CDH4: variants seen among roughly 807,000 people sequenced by gnomAD.
CDH4 encodes cadherin-4.
Under a neutral mutation model 86.0 loss-of-function variants are expected in CDH4, and 33 were observed. That is an observed-to-expected ratio of 0.38 (90% CI 0.29 to 0.51). The LOEUF (loss-of-function observed/expected upper bound fraction) is 0.51. Ranked by LOEUF, CDH4 falls within the 20% of genes least tolerant of loss-of-function variation. The pLI, the probability that CDH4 is intolerant of heterozygous loss-of-function variation, is 0.86. For missense variants in CDH4, 1,114 were observed against 1,307.4 expected, an observed-to-expected ratio of 0.85 and a Z score of 2.28; for synonymous variants, 555 against 549.4, an observed-to-expected ratio of 1.01 and a Z score of -0.14.
intron 2 of CDH4, among the ~76,000 whole-genome samples, chr20:61,434,466 G>T (rs530474869): frequency 1.3e-5 from 2 of 152,094 alleles, no homozygotes; most frequent in Non-Finnish European, 2.9e-5. Flanking sequence ...CGTTCACCGC[G>T]GCGCTCAAAG....
rs546589790 is a variant in CDH4 at position 61,287,381 on chromosome 20, G to A, written c.169+32444G>A. ...TCCCAGCTTCTCAGGAGGCTGAGGT[G>A]GCAGGATCACTTCAGCCCAGGAGGT... On this transcript the variant is annotated intron_variant, in intron 2 of 15. Transcript: ENST00000614565. 5.3e-5 allele frequency among the ~76,000 whole-genome samples: 8 copies of A among 152,212 alleles called. No individual in the cohort carries two copies. In the South Asian group the frequency reaches 1.7e-3, roughly 32 times the overall value.
intron 2 of CDH4, among the ~76,000 whole-genome samples, chr20:61,578,609 G>A (rs751557468): frequency 2.0e-5 from 3 of 152,274 alleles, no homozygotes; most frequent in Non-Finnish European, 2.9e-5. Context: ...TCACAGAGCC[G>A]ACTCAAGGGG....
At chr20:61,291,593 G>A (rs6124080) in intron 2 of CDH4, among the ~76,000 whole-genome samples, 82,786 of 152,092 alleles carry the variant, frequency 0.54, 24,151 homozygotes, top group Admixed American at 0.64. Flanking sequence ...GTCGGCAGGA[G>A]CTCCCTGAGA....
At chr20:61,636,237 C>A (rs1182032379) in intron 2 of CDH4, among the ~76,000 whole-genome samples, 2 of 152,172 alleles carry the variant, frequency 1.3e-5, no homozygotes, top group Non-Finnish European at 2.9e-5. Context: ...AAACTTCAGA[C>A]CATGAATCGC....
intron 8 of CDH4, among the ~76,000 whole-genome samples, chr20:61,903,540 T>A (rs374190942): frequency 2.1e-3 from 187 of 90,870 alleles, no homozygotes; most frequent in Non-Finnish European, 2.6e-3. Flanking sequence ...AGAGACTCCA[T>A]AAAAAAAAAA....
intron 2 of CDH4, among the ~76,000 whole-genome samples, chr20:61,524,958 TA>T (rs1243878913): frequency 6.6e-6 from 1 of 152,146 alleles, no homozygotes; most frequent in African/African-American, 2.4e-5. Context: ...ATCTTTCATT[TA>T]AAAAAACCTT....
intron 2 of CDH4, among the ~76,000 whole-genome samples, chr20:61,638,380 C>G (rs1034724426): frequency 6.6e-5 from 10 of 152,272 alleles, no homozygotes; most frequent in Middle Eastern, 6.8e-3. Flanking sequence ...ACGGGAACCC[C>G]TTGTGTTCTG....
At chr20:61,390,802 G>A (rs1322801554) in intron 2 of CDH4, among the ~76,000 whole-genome samples, 2 of 151,368 alleles carry the variant, frequency 1.3e-5, no homozygotes, top group African/African-American at 4.9e-5. Context: ...GTCATAGGGT[G>A]CCCATAGTGC....
At position 61,852,907 on chromosome 20, in the gene CDH4, T is replaced by C; in HGVS notation, c.877+9T>C. 1 of 1,613,338 alleles carries C rather than the reference T, an allele frequency of 6.2e-7. No individual in the cohort carries two copies. The highest frequency in any genetic ancestry group is 1.3e-5 in the African/African-American group (1 of 75,048). Reference sequence around the variant, plus strand: ...CGAGGGCTCCAAGCCAGGTGAGGCCTTTAGCGTTTGCTTGCTGGAGACCCT... The same window carrying C: ...CGAGGGCTCCAAGCCAGGTGAGGCCCTTAGCGTTTGCTTGCTGGAGACCCT... On this transcript the variant is annotated intron_variant, in intron 6 of 15. Coordinates refer to ENST00000614565, the MANE Select transcript of CDH4 (RefSeq NM_001794.5).
chr20:61,384,844 C>T (rs6587245), intron 2 of CDH4, among the ~76,000 whole-genome samples: 37,407 of 151,992 alleles, frequency 0.25, 4,987 homozygotes, highest in African/African-American at 0.34. Context: ...ACATAATAAG[C>T]ATAGGTATTT....
chr20:61,763,993 C>G (rs572315325), intron 3 of CDH4, among the ~76,000 whole-genome samples: 1 of 152,194 alleles, frequency 6.6e-6, no homozygotes, highest in Non-Finnish European at 1.5e-5. Flanking sequence ...CTTTGTCTCT[C>G]GCTTGCGAGT....
intron 2 of CDH4, among the ~76,000 whole-genome samples, chr20:61,712,511 C>T (rs1402431951): frequency 2.0e-5 from 3 of 152,122 alleles, no homozygotes; most frequent in Non-Finnish European, 4.4e-5. Context: ...TGGGAAGGTG[C>T]CAGCCCTGCC....
intron 2 of CDH4, among the ~76,000 whole-genome samples, chr20:61,553,947 G>T (rs2145677030): frequency 6.6e-6 from 1 of 152,252 alleles, no homozygotes; most frequent in South Asian, 2.1e-4. Flanking sequence ...ACAGCATTGT[G>T]GTAAGCTGTG....
At chr20:61,374,995 G>A (rs556935187) in intron 2 of CDH4, among the ~76,000 whole-genome samples, 2 of 152,220 alleles carry the variant, frequency 1.3e-5, no homozygotes, top group South Asian at 2.1e-4. Flanking sequence ...CCTATAACCC[G>A]GAAGCACTTG....
intron 6 of CDH4, among the ~76,000 whole-genome samples, chr20:61,854,014 C>A (rs73143160): frequency 0.08 from 12,254 of 152,282 alleles, 587 homozygotes; most frequent in East Asian, 0.15. Flanking sequence ...GACGGACTTA[C>A]ACTAAGAGAG....
At chr20:61,335,501 C>T (rs2084612231) in intron 2 of CDH4, among the ~76,000 whole-genome samples, 1 of 152,214 alleles carries the variant, frequency 6.6e-6, no homozygotes, top group Non-Finnish European at 1.5e-5. Context: ...GGTCTCACCA[C>T]TGAGAGGGAG....
chr20:61,921,392 C>T lies in CDH4; in HGVS notation c.1375-2059C>T, dbSNP rs1011122533. The stretch of plus-strand genomic sequence containing the variant: ...GCAATCTGCACTTTTTGCAGGAGTA[C>T]GTTTTTTTAATTACCAGACCTCATG... On this transcript the variant is annotated intron_variant, in intron 9 of 15. Coordinates refer to ENST00000614565, the MANE Select transcript of CDH4 (RefSeq NM_001794.5). Among the ~76,000 whole-genome samples, 7 of 152,374 alleles carry T rather than the reference C, an allele frequency of 4.6e-5. 1 individual carries two copies. Among genetic ancestry groups the T allele is most frequent in the Admixed American group, 3.3e-4 (5 of 15,310 alleles).
At chr20:61,447,761 C>T (rs1198400720) in intron 2 of CDH4, among the ~76,000 whole-genome samples, 2 of 151,768 alleles carry the variant, frequency 1.3e-5, no homozygotes, top group African/African-American at 2.4e-5. Context: ...GAGAATGTCA[C>T]CTTTTGCCTG....
At position 61,814,433 on chromosome 20, in the gene CDH4, G is replaced by A. The variant is rs536936997; in HGVS notation, c.577-30235G>A. Among the ~76,000 whole-genome samples, 47 of 152,320 alleles carry A rather than the reference G, an allele frequency of 3.1e-4. No homozygotes were observed. The Middle Eastern group carries it at 0.014, about 44-fold the overall frequency. On this transcript the variant is annotated intron_variant, in intron 4 of 15. Coordinates refer to ENST00000614565, the MANE Select transcript of CDH4 (RefSeq NM_001794.5). ...CAGGAGCTTGGCAGCATTGACCTGGGAGGCTGCGGCCGCTCGACGACGATC... is the reference window on the plus strand; with the variant it reads ...CAGGAGCTTGGCAGCATTGACCTGGAAGGCTGCGGCCGCTCGACGACGATC...
Sources: allele counts gnomAD v4.1 joint callset (sites outside exome capture counted in the v4.1 genomes callset), GRCh38; gene constraint gnomAD v4.1.1; transcripts MANE v1.5; gene names NCBI Gene and HGNC (gene_info 2026-07-23, HGNC 2026-07-21).